SYNE1: variants seen among roughly 807,000 people sequenced by gnomAD.
SYNE1 encodes nesprin-1.
Under a neutral mutation model 1,111.0 loss-of-function variants are expected in SYNE1, and 616 were observed. That is an observed-to-expected ratio of 0.55 (90% CI 0.52 to 0.59). SYNE1 has a LOEUF of 0.59. Ranked by LOEUF, SYNE1 falls within the 20% of genes least tolerant of loss-of-function variation. The probability of loss-of-function intolerance (pLI) is 0.00; values close to 1 mark genes in which losing one functional copy is unlikely to be tolerated. For synonymous variants in SYNE1, 3,855 were observed against 3,825.8 expected (o/e 1.01, Z -0.28); for missense variants, 10,006 against 10,417.0 (o/e 0.96, Z 1.72).
chr6:152,125,650 A>G (rs976392792), intron 145 of SYNE1: 3 of 267,618 alleles, frequency 1.1e-5, no homozygotes, highest in African/African-American at 6.5e-5. Flanking sequence ...AGAGTGACTG[A>G]AGAGAGCTCC....
At chr6:152,452,030 A>G (rs1451052448) in intron 25 of SYNE1, among the ~76,000 whole-genome samples, 1 of 152,080 alleles carries the variant, frequency 6.6e-6, no homozygotes, top group Non-Finnish European at 1.5e-5. Context: ...AAAAGAAAAC[A>G]TAGCCCAGGC....
intron 98 of SYNE1, among the ~76,000 whole-genome samples, chr6:152,273,070 T>G (rs2093330103): frequency 1.3e-5 from 2 of 152,294 alleles, no homozygotes; most frequent in African/African-American, 4.8e-5. Flanking sequence ...ATGATGGAAT[T>G]TATAGATAGT....
Position 152,206,191 on chromosome 6 carries a change from T to C in SYNE1, c.22996A>G (p.Lys7666Glu), listed in dbSNP as rs200922219. 8 of 1,613,580 alleles carry C rather than the reference T, an allele frequency of 5.0e-6. No individual in the cohort carries two copies. The highest frequency in any genetic ancestry group is 6.8e-6 in the Non-Finnish European group (8 of 1,180,032). Residue 7666 changes from lysine (K) to glutamate (E), a missense_variant, in exon 126 of 146, where the codon AAA (lysine) becomes GAA (glutamate). Lys to Glu is a moderately conservative substitution (Grantham distance 56). Transcript: ENST00000367255. ...ACTTTCAACAAGAAGGCTAGTTTTT[T>C]CTTCTGTTCTTCCAGCCGCATGCTG... is the stretch of plus-strand genomic sequence containing the variant. ...SASMRLEEQKKKLAFLLKDWE... is the reference protein window; with the variant it reads ...SASMRLEEQKEKLAFLLKDWE...
rs1362611063 is a variant in SYNE1 at position 152,293,940 on chromosome 6, AG to A, written c.17850+19del. On this transcript the variant is annotated intron_variant, in intron 94 of 145. Transcript: ENST00000367255. ...TACTGGTGTCTGGTGGGCATAAACT[AG>A]TCCACCTTGAAGACTTACCACATTC... 4.6e-5 allele frequency: 74 copies of A among 1,613,762 alleles called. No homozygotes were observed. The highest frequency in any genetic ancestry group is 6.2e-5 in the Non-Finnish European group (73 of 1,179,878).
chr6:152,392,003 A>G (rs540672452), intron 51 of SYNE1, among the ~76,000 whole-genome samples: 1 of 151,868 alleles, frequency 6.6e-6, no homozygotes, highest in East Asian at 1.9e-4. Flanking sequence ...CTTTATGAAA[A>G]CCCTTCTGCT....
chr6:152,601,676 G>A (rs1055756615), intron 3 of SYNE1, among the ~76,000 whole-genome samples: 9 of 152,138 alleles, frequency 5.9e-5, no homozygotes, highest in Admixed American at 3.9e-4. Context: ...TCATTGAAAC[G>A]CTTGCAGAAT....
chr6:152,365,101 C>T, intron 62 of SYNE1, 82 bp from the exon 63 acceptor site: 3 of 1,557,338 alleles, frequency 1.9e-6, no homozygotes, highest in Non-Finnish European at 2.6e-6. Context: ...TCCTAAAGAT[C>T]ACAGAATAAT....
intron 21 of SYNE1, among the ~76,000 whole-genome samples, chr6:152,461,038 T>C (rs911388463): frequency 6.6e-6 from 1 of 152,014 alleles, no homozygotes; most frequent in Non-Finnish European, 1.5e-5. Context: ...GGTCTCGAAC[T>C]CCTGACCTTG....
intron 12 of SYNE1, among the ~76,000 whole-genome samples, chr6:152,486,977 G>C (rs2098944445): frequency 6.6e-6 from 1 of 152,154 alleles, no homozygotes; most frequent in South Asian, 2.1e-4. Flanking sequence ...GCCACTAAAA[G>C]GGACTGATGT....
intron 116 of SYNE1, among the ~76,000 whole-genome samples, chr6:152,225,126 T>C (rs2081241527): frequency 6.6e-6 from 1 of 151,762 alleles, no homozygotes; most frequent in Non-Finnish European, 1.5e-5. Context: ...ATTTTATAGA[T>C]GAGGAAACTG....
At chr6:152,346,976 G>T in intron 73 of SYNE1, 83 bp downstream of exon 73, 1 of 1,510,680 alleles carries the variant, frequency 6.6e-7, no homozygotes, top group Non-Finnish European at 9.0e-7. Context: ...TTTGAGCATC[G>T]ATTCTATTTG....
chr6:152,484,778 A>G, intron 13 of SYNE1, 57 bp downstream of exon 13: 1 of 1,588,642 alleles, frequency 6.3e-7, no homozygotes, highest in East Asian at 2.2e-5. Context: ...TAGATGATGA[A>G]AAATATTCTT....
intron 10 of SYNE1, among the ~76,000 whole-genome samples, chr6:152,499,599 G>A (rs1047093916): frequency 4.6e-5 from 7 of 151,962 alleles, no homozygotes; most frequent in Non-Finnish European, 8.8e-5. Flanking sequence ...AAACTAATAC[G>A]CATAGTTTAC....
chr6:152,387,478 T>A, intron 53 of SYNE1, 97 bp from the exon 54 acceptor site: 1 of 1,224,600 alleles, frequency 8.2e-7, no homozygotes, highest in South Asian at 1.3e-5. Flanking sequence ...ATTGTTTTAT[T>A]GAATGCTACT....
intron 11 of SYNE1, among the ~76,000 whole-genome samples, chr6:152,498,439 T>C (rs2099011208): frequency 1.3e-5 from 2 of 152,226 alleles, no homozygotes; most frequent in Non-Finnish European, 1.5e-5. Context: ...ACACCATACG[T>C]AGTTACTGTA....
intron 128 of SYNE1, among the ~76,000 whole-genome samples, chr6:152,184,217 C>A (rs1479477745): frequency 1.3e-5 from 2 of 152,154 alleles, no homozygotes; most frequent in African/African-American, 4.8e-5. Flanking sequence ...AGGTGGATCA[C>A]TTGAGGTCAG....
rs780653317 is a variant in SYNE1, at chr6:152,344,034, C to T, written c.12225+47G>A. On this transcript the variant is annotated intron_variant, in intron 74 of 145. Coordinates refer to ENST00000367255, the MANE Select transcript of SYNE1 (RefSeq NM_182961.4). Reference sequence around the variant, plus strand: ...GGTACTTCACACATTTTCACTGACGCTCTGAATGATTCACAAGAATAACAC... The same window carrying T: ...GGTACTTCACACATTTTCACTGACGTTCTGAATGATTCACAAGAATAACAC... The T allele has an allele frequency of 3.1e-6, 5 of 1,613,128 alleles. No homozygotes were observed. The Admixed American group carries it at 5.0e-5, about 16-fold the overall frequency.
At chr6:152,601,439 C>A (rs768630862) in intron 3 of SYNE1, among the ~76,000 whole-genome samples, 16 of 152,090 alleles carry the variant, frequency 1.1e-4, no homozygotes, top group Non-Finnish European at 1.5e-4. Flanking sequence ...ATTGGCAATG[C>A]CATCGAGATA....
chr6:152,364,777 G>T (rs746499989), intron 63 of SYNE1, 70 bp downstream of exon 63: 346 of 1,595,406 alleles, frequency 2.2e-4, no homozygotes, highest in Admixed American at 1.3e-3. Context: ...CACAGGAATG[G>T]TCTGTTCAGT....
Sources: gnomAD v4.1 joint callset for allele counts (sites outside exome capture counted in the v4.1 genomes callset) on GRCh38, gnomAD v4.1.1 for gene constraint, MANE v1.5 for transcripts, NCBI Gene and HGNC (gene_info 2026-07-23, HGNC 2026-07-21) for gene names.